USP6: variants seen among roughly 807,000 people sequenced by gnomAD.
USP6 encodes ubiquitin carboxyl-terminal hydrolase 6.
Under a neutral mutation model 175.7 loss-of-function variants are expected in USP6, and 128 were observed. That is an observed-to-expected ratio of 0.73 (90% CI 0.63 to 0.84). The LOEUF is 0.84. USP6 is among the 40% of genes least tolerant of loss of function. The pLI, the probability that USP6 is intolerant of heterozygous loss-of-function variation, is 0.00. For missense variants in USP6, 1,498 were observed against 1,760.3 expected, an observed-to-expected ratio of 0.85 and a Z score of 2.67; for synonymous variants, 562 against 630.6, an observed-to-expected ratio of 0.89 and a Z score of 1.63.
At chr17:5,119,283 A>G (rs2072599310) in intron 2 of USP6, among the ~76,000 whole-genome samples, 1 of 152,240 alleles carries the variant, frequency 6.6e-6, no homozygotes, top group Non-Finnish European at 1.5e-5. Context: ...GTTCCAAAGT[A>G]GACTGCTCCC....
chr17:5,138,169 A>C lies in USP6; in HGVS notation c.974A>C (p.Asn325Thr), dbSNP rs1243277576. Reference protein sequence around the residue: ...SRCGLWARLRNQFFDTWAMND... With the variant: ...SRCGLWARLRTQFFDTWAMND... ...TGTGGCCTGTGGGCACGTCTGCGGAACCAATTCTTCGATACCTGGGCCATG... is the reference window on the plus strand; with the variant it reads ...TGTGGCCTGTGGGCACGTCTGCGGACCCAATTCTTCGATACCTGGGCCATG... The change falls in exon 21 of 38, where the codon AAC (asparagine) becomes ACC (threonine). Residue 325 changes from asparagine to threonine, a missense_variant. This residue lies in a region of USP6 where 1,217 missense variants were observed against 1,500.8 expected (regional missense o/e 0.81). Transcript: ENST00000574788. 1 of 1,613,920 alleles carries C rather than the reference A, an allele frequency of 6.2e-7. No individual in the cohort carries two copies. The highest frequency in any genetic ancestry group is 1.3e-5 in the African/African-American group (1 of 74,858).
chr17:5,151,551 T>A (rs1163590770), intron 30 of USP6, among the ~76,000 whole-genome samples: 2 of 152,062 alleles, frequency 1.3e-5, no homozygotes, highest in African/African-American at 4.8e-5. Context: ...AAGAATAAGG[T>A]ATGAGGATAT....
intron 31 of USP6, among the ~76,000 whole-genome samples, chr17:5,159,717 C>T (rs1567808435): frequency 6.6e-6 from 1 of 152,096 alleles, no homozygotes; most frequent in Non-Finnish European, 1.5e-5. Flanking sequence ...AATCCCAGCA[C>T]TTTAGGAGGC....
intron 7 of USP6, 35 bp downstream of exon 7, chr17:5,127,674 A>G (rs1344622206): frequency 1.3e-5 from 2 of 152,170 alleles, no homozygotes; most frequent in Non-Finnish European, 2.9e-5. Flanking sequence ...GTATCCATGG[A>G]GGATTAGTTC....
rs551538668 is a variant in USP6 at position 5,119,998 on chromosome 17, C to T, written c.-1836-629C>T. ...TCTAGGTCCCAGGAACTCCAAGGCT[C>T]AACCCAAGGATAGAGATCCAAGGTC... On this transcript the variant is annotated intron_variant, in intron 2 of 37. Coordinates refer to ENST00000574788, the MANE Select transcript of USP6 (RefSeq NM_001304284.2). 2.6e-5 allele frequency among the ~76,000 whole-genome samples: 4 copies of T among 152,246 alleles called. No homozygotes were observed. In the East Asian group the frequency reaches 7.7e-4, roughly 29 times the overall value.
At chr17:5,161,993 CAA>C (rs1490620856) in intron 32 of USP6, among the ~76,000 whole-genome samples, 2 of 152,168 alleles carry the variant, frequency 1.3e-5, no homozygotes, top group Non-Finnish European at 2.9e-5. Context: ...GCCTGGGCAA[CAA>C]GAGTGAAACT....
At chr17:5,133,691 A>G in intron 14 of USP6, 141 bp downstream of exon 14, 1 of 1,150,014 alleles carries the variant, frequency 8.7e-7, no homozygotes, top group Non-Finnish European at 1.3e-6. Flanking sequence ...GGACGGTGAC[A>G]CAGTCACCAC....
rs770103395 is a variant in USP6 at position 5,170,544 on chromosome 17, A to T, written c.3583A>T (p.Ser1195Cys). 14 of 1,611,832 alleles carry T rather than the reference A, an allele frequency of 8.7e-6. No individual in the cohort carries two copies. Among genetic ancestry groups the T allele is most frequent in the Non-Finnish European group, 1.1e-5 (13 of 1,179,800 alleles). ...CPSSKNSSPN[S>C]SPRTLGRSKG... ...CTCCAGCAAAAACAGCAGCCCTAAT[A>T]GCAGCCCACGGACTTTGGGGAGGAG... The change falls in exon 36 of 38, where the codon AGC becomes TGC. Residue 1195 changes from serine (S) to cysteine (C), a missense_variant. Ser to Cys is a moderately radical substitution (Grantham distance 112). Around this residue, in one of 2 missense-constraint regions of USP6, gnomAD observed 1,217 missense variants for 1,500.8 expected, o/e 0.81. Transcript: ENST00000574788.
intron 37 of USP6, among the ~76,000 whole-genome samples, chr17:5,172,485 T>C (rs770856750): frequency 3.9e-5 from 6 of 152,110 alleles, no homozygotes; most frequent in Non-Finnish European, 7.4e-5. Context: ...GAGCTGAGAT[T>C]GCACCAGTGC....
intron 30 of USP6, among the ~76,000 whole-genome samples, chr17:5,150,295 A>AAAATAATT (rs2073728999): frequency 7.2e-6 from 1 of 138,846 alleles, no homozygotes; most frequent in African/African-American, 2.7e-5. Flanking sequence ...TCCGTCTAAA[A>AAAATAATT]AAATAAATAA....
At chr17:5,136,356 G>A (rs2073253789) in intron 17 of USP6, among the ~76,000 whole-genome samples, 1 of 152,224 alleles carries the variant, frequency 6.6e-6, no homozygotes, top group Non-Finnish European at 1.5e-5. Flanking sequence ...AGATGACCAG[G>A]AAGCTCAGCA....
At position 5,172,831 on chromosome 17, in the gene USP6, C is replaced by T. The variant is rs1393699040; in HGVS notation, c.4074C>T (p.Thr1358=). The change falls in exon 38 of 38, where the codon ACC becomes ACT. Residue 1358 remains threonine, a synonymous_variant. Transcript: ENST00000574788. Reference sequence around the variant, plus strand: ...AACTTCACCCTGATGAAATTGACACCGACTCTGCCTACATTCTTTTCTATG... The same window carrying T: ...AACTTCACCCTGATGAAATTGACACTGACTCTGCCTACATTCTTTTCTATG... ...CEELHPDEID[T]DSAYILFYEQ... 3.0e-5 allele frequency: 48 copies of T among 1,613,506 alleles called. No individual in the cohort carries two copies. The highest frequency in any genetic ancestry group is 3.7e-5 in the Non-Finnish European group (44 of 1,179,856).
In USP6 at chr17:5,168,962, A is replaced by G; in HGVS notation, c.3424A>G (p.Lys1142Glu). Reference sequence around the variant, plus strand: ...CAGGATTCTGGCAAGAGAGGTGAAGAAAGTGGATGCGCAGAGTTCGGCTGG... The same window carrying G: ...CAGGATTCTGGCAAGAGAGGTGAAGGAAGTGGATGCGCAGAGTTCGGCTGG... ...KPRILAREVKKVDAQSSAGKE... is the reference protein window; with the variant it reads ...KPRILAREVKEVDAQSSAGKE... Residue 1142 changes from lysine to glutamate, a missense_variant, in exon 35 of 38, where the codon AAA (lysine) becomes GAA (glutamate). Physicochemically the swap from Lys to Glu is moderately conservative, Grantham distance 56. Around this residue, in one of 2 missense-constraint regions of USP6, gnomAD observed 1,217 missense variants for 1,500.8 expected, o/e 0.81. Transcript: ENST00000574788. 6.2e-7 allele frequency: 1 copy of G among 1,614,018 alleles called. No individual in the cohort carries two copies. The highest frequency in any genetic ancestry group is 8.5e-7 in the Non-Finnish European group (1 of 1,179,878).
In USP6 at chr17:5,133,879, C is replaced by T. The variant is rs762316944; in HGVS notation, c.385-8C>T. 3.1e-6 allele frequency: 5 copies of T among 1,613,596 alleles called. No individual in the cohort carries two copies. The highest frequency in any genetic ancestry group is 4.2e-6 in the Non-Finnish European group (5 of 1,179,554). On this transcript the variant is annotated splice_polypyrimidine_tract_variant and splice_region_variant and intron_variant, in intron 14 of 37. Transcript: ENST00000574788. ...AGGCTGCTTCCTCCTCTTGGCCCTG[C>T]CCTACAGATCATGAAGGAGAGGGGC...
At chr17:5,142,800 TAGC>T (rs1247507235) in intron 25 of USP6, among the ~76,000 whole-genome samples, 1 of 152,236 alleles carries the variant, frequency 6.6e-6, no homozygotes, top group Non-Finnish European at 1.5e-5. Context: ...ACTTCACTAT[TAGC>T]AGTATTCTAA....
chr17:5,148,373 TGA>T (rs1321814273), intron 29 of USP6, among the ~76,000 whole-genome samples, 181 bp from the exon 30 acceptor site: 1 of 152,212 alleles, frequency 6.6e-6, no homozygotes, highest in Non-Finnish European at 1.5e-5. Flanking sequence ...GTCAAAAGTG[TGA>T]GTTAGGGAAG....
intron 10 of USP6, 35 bp from the exon 11 acceptor site, chr17:5,130,567 T>C: frequency 6.2e-7 from 1 of 1,612,860 alleles, no homozygotes; most frequent in South Asian, 1.1e-5. Context: ...ACCCTTTACC[T>C]TGGACCCCTC....
chr17:5,142,322 A>T, intron 24 of USP6, 75 bp from the exon 25 acceptor site: 2 of 1,514,106 alleles, frequency 1.3e-6, no homozygotes, highest in Non-Finnish European at 1.8e-6. Context: ...TTGATGTGAG[A>T]TGCTAGGCAT....
At chr17:5,169,522 G>C (rs933561564) in intron 35 of USP6, among the ~76,000 whole-genome samples, 1 of 152,146 alleles carries the variant, frequency 6.6e-6, no homozygotes, top group Non-Finnish European at 1.5e-5. Context: ...GCTCACTGCA[G>C]CCTGGACCTC....
Sources: allele counts gnomAD v4.1 joint callset (sites outside exome capture counted in the v4.1 genomes callset), GRCh38; gene constraint gnomAD v4.1.1; regional missense constraint gnomAD v4.1.1; transcripts MANE v1.5; gene names NCBI Gene and HGNC (gene_info 2026-07-23, HGNC 2026-07-21).